Variants in WNT10B observed in about 807,000 individuals in gnomAD.
WNT10B encodes protein Wnt-10b.
In WNT10B, 26 loss-of-function variants were observed where a neutral mutation model predicts 32.7. The observed-to-expected ratio is 0.79, with a 90% CI of 0.58 to 1.10. The LOEUF is 1.10. Ranked by LOEUF, WNT10B falls within the 50% of genes least tolerant of loss-of-function variation. The pLI, the probability that WNT10B is intolerant of heterozygous loss-of-function variation, is 0.00. For synonymous variants in WNT10B, 204 were observed against 220.4 expected (o/e 0.93, Z 0.66); for missense variants, 474 against 532.5 (o/e 0.89, Z 1.08).
chr12:48,970,023 C>T lies in WNT10B; in HGVS notation c.337+66G>A. 3 of 1,388,148 alleles carry T rather than the reference C, an allele frequency of 2.2e-6. No homozygotes were observed. Among genetic ancestry groups the T allele is most frequent in the Non-Finnish European group, 2.8e-6 (3 of 1,078,360 alleles). 86.0% of individuals were successfully genotyped at this position (1,388,148 alleles called of 1,614,324 possible). On this transcript the variant is annotated intron_variant, in intron 3 of 4. Coordinates refer to ENST00000301061, the MANE Select transcript of WNT10B (RefSeq NM_003394.4). The surrounding 1 kb of genome is among the most constrained non-coding windows in gnomAD (Gnocchi z 5.0). ...GCGAAACCATCCCTTCCCGCCTCCG[C>T]GCGCCTCGCCCTGCCGCCCACCCCC... is the stretch of plus-strand genomic sequence containing the variant.
chr12:48,965,667 A>G lies in WNT10B; in HGVS notation c.*428T>C, dbSNP rs541034659. On this transcript the variant is annotated 3_prime_UTR_variant, in exon 5 of 5. Transcript: ENST00000301061. ...CAGTAAAGGAGTTTGGGGATAGTAC[A>G]TAGGAGTGGGTGATCTCTTTCTAGA... 3 of 209,824 alleles carry G rather than the reference A, an allele frequency of 1.4e-5. No individual in the cohort carries two copies. The allele number at this position is 209,824 out of a possible 1,614,324, so 13.0% of individuals were successfully genotyped here.
rs186175985 is a variant in WNT10B, at chr12:48,966,384, G to A, written c.881C>T (p.Ala294Val). ...FIDTHNRNSG[A>V]FQPRLRPRRL... ...ACGGGGACGCAGACGGGGCTGGAAG[G>A]CTCCAGAATTGCGGTTGTGGGTATC... is the stretch of plus-strand genomic sequence containing the variant. The change falls in exon 5 of 5, where the codon GCC becomes GTC. Residue 294 changes from alanine to valine, a missense_variant. Transcript: ENST00000301061. 270 of 1,614,138 alleles carry A rather than the reference G, an allele frequency of 1.7e-4. No individual in the cohort carries two copies. The highest frequency in any genetic ancestry group is 2.2e-4 in the Non-Finnish European group (264 of 1,180,044).
intron 4 of WNT10B, among the ~76,000 whole-genome samples, chr12:48,967,385 C>T (rs1033983520): frequency 3.9e-5 from 6 of 152,004 alleles, no homozygotes; most frequent in Non-Finnish European, 8.8e-5. Context: ...AGGATGGTCT[C>T]GATCTCCTCA....
At chr12:48,969,299 C>T (rs1029356282) in intron 3 of WNT10B, among the ~76,000 whole-genome samples, 14 of 152,200 alleles carry the variant, frequency 9.2e-5, no homozygotes, top group African/African-American at 3.4e-4. Flanking sequence ...AACTCCAACC[C>T]TCCAGGGGTG....
intron 4 of WNT10B, among the ~76,000 whole-genome samples, 179 bp from the exon 5 acceptor site, chr12:48,966,732 G>T (rs1320153277): frequency 6.6e-6 from 1 of 152,208 alleles, no homozygotes; most frequent in Non-Finnish European, 1.5e-5. Flanking sequence ...CTCATTTTAT[G>T]ATGGCAGAAT....
In WNT10B at chr12:48,970,508, G is replaced by C; in HGVS notation, c.22C>G (p.Arg8Gly). ...CCCGCGAGGCCCGAGGGCGGAGGCC[G>C]CGGCCGGGGCTCCTCCAGCATGTCG... is the stretch of plus-strand genomic sequence containing the variant. Reference protein sequence around the residue: MLEEPRPRPPPSGLAGLL... With the variant: MLEEPRPGPPPSGLAGLL... Residue 8 changes from arginine (R) to glycine (G), a missense_variant, in exon 2 of 5, where the codon CGG becomes GGG. Coordinates refer to ENST00000301061, the MANE Select transcript of WNT10B (RefSeq NM_003394.4). The surrounding 1 kb of genome is among the most constrained non-coding windows in gnomAD (Gnocchi z 5.0). The C allele has an allele frequency of 6.3e-7, 1 of 1,591,816 alleles. No individual in the cohort carries two copies.
chr12:48,969,962 G>T, intron 3 of WNT10B, 127 bp downstream of exon 3: 2 of 1,190,728 alleles, frequency 1.7e-6, no homozygotes, highest in Non-Finnish European at 2.2e-6. Context: ...GCTCCGGGGG[G>T]GGCGGGGAAT....
chr12:48,970,019 T>C lies in WNT10B; in HGVS notation c.337+70A>G. The C allele has an allele frequency of 7.2e-7, 1 of 1,386,834 alleles. No individual in the cohort carries two copies. The highest frequency in any genetic ancestry group is 9.3e-7 in the Non-Finnish European group (1 of 1,077,592). The allele number at this position is 1,386,834 out of a possible 1,614,324, so 85.9% of individuals were successfully genotyped here. On this transcript the variant is annotated intron_variant, in intron 3 of 4. Transcript: ENST00000301061. This position sits in a 1 kb window ranked among gnomAD's most constrained non-coding sequence, Gnocchi z 5.0. ...AGCCGCGAAACCATCCCTTCCCGCC[T>C]CCGCGCGCCTCGCCCTGCCGCCCAC... is the stretch of plus-strand genomic sequence containing the variant.
chr12:48,966,254 G>T lies in WNT10B; in HGVS notation c.1011C>A (p.Thr337=), dbSNP rs779735789. The T allele has an allele frequency of 4.3e-6, 7 of 1,614,186 alleles. No individual in the cohort carries two copies. The South Asian group carries it at 4.4e-5, about 10-fold the overall frequency. ...PGTRGRACNK[T]SRLLDGCGSL... ...TGCCACAGCCATCCAACAGGCGGCT[G>T]GTCTTGTTGCAGGCCCGGCCCCTTG... The change falls in exon 5 of 5, where the codon ACC becomes ACA. Residue 337 remains threonine (T), a synonymous_variant. Coordinates refer to ENST00000301061, the MANE Select transcript of WNT10B (RefSeq NM_003394.4).
intron 4 of WNT10B, among the ~76,000 whole-genome samples, chr12:48,967,599 CCAGT>C (rs1471512738): frequency 3.3e-5 from 5 of 152,052 alleles, no homozygotes; most frequent in African/African-American, 4.8e-5. Context: ...CGCGCCCGGC[CCAGT>C]CTGTTTTTAT....
Position 48,970,883 on chromosome 12 carries a change from A to C in WNT10B, c.-40-314T>G. 2.5e-6 allele frequency: 1 copy of C among 402,458 alleles called. No individual in the cohort carries two copies. The highest frequency in any genetic ancestry group is 4.6e-6 in the Non-Finnish European group (1 of 217,820). 24.9% of individuals were successfully genotyped at this position (402,458 alleles called of 1,614,324 possible). A position where few individuals can be genotyped will look rare whatever the true frequency, so the allele number is the denominator to read the frequency against. On this transcript the variant is annotated intron_variant, in intron 1 of 4. Transcript: ENST00000301061. This position sits in a 1 kb window ranked among gnomAD's most constrained non-coding sequence, Gnocchi z 5.0. ...CAAACTCAGACACACAGACTCACAAACACTTGCTCCACAACCTCGCCTACT... is the reference window on the plus strand; with the variant it reads ...CAAACTCAGACACACAGACTCACAACCACTTGCTCCACAACCTCGCCTACT...
In WNT10B at chr12:48,970,778, C is replaced by T. The variant is rs1940840369; in HGVS notation, c.-40-209G>A. On this transcript the variant is annotated intron_variant, in intron 1 of 4. Coordinates refer to ENST00000301061, the MANE Select transcript of WNT10B (RefSeq NM_003394.4). This position sits in a 1 kb window ranked among gnomAD's most constrained non-coding sequence, Gnocchi z 5.0. ...AAGAAGAAGAGTCAAGGCGTTGTCC[C>T]AGCTCAGGACTCAAGCGAGCACCCC... 1.7e-6 allele frequency: 1 copy of T among 590,606 alleles called. No homozygotes were observed. Among genetic ancestry groups the T allele is most frequent in the Non-Finnish European group, 3.0e-6 (1 of 332,418 alleles). 36.6% of individuals were successfully genotyped at this position (590,606 alleles called of 1,614,324 possible).
chr12:48,966,026 A>C lies in WNT10B; in HGVS notation c.*69T>G. ...CCAAGAGTGACCTTGGAAGGAAATCAGAGCAAAGGGCTGAAAAGGCGCCCC... is the reference window on the plus strand; with the variant it reads ...CCAAGAGTGACCTTGGAAGGAAATCCGAGCAAAGGGCTGAAAAGGCGCCCC... On this transcript the variant is annotated 3_prime_UTR_variant, in exon 5 of 5. Transcript: ENST00000301061. The C allele has an allele frequency of 6.3e-7, 1 of 1,577,668 alleles. No individual in the cohort carries two copies. The highest frequency in any genetic ancestry group is 8.7e-7 in the Non-Finnish European group (1 of 1,155,944).
At chr12:48,969,151 G>A (rs1218515461) in intron 3 of WNT10B, 3 of 470,240 alleles carry the variant, frequency 6.4e-6, no homozygotes, top group South Asian at 1.6e-5. Context: ...GGCCCTGTGG[G>A]GAAGGAGGGG....
At chr12:48,969,572 T>G (rs1440934322) in intron 3 of WNT10B, among the ~76,000 whole-genome samples, 2 of 152,170 alleles carry the variant, frequency 1.3e-5, no homozygotes, top group South Asian at 4.1e-4. Flanking sequence ...AGGAGGGGAC[T>G]GGCTCCCCAG....
At position 48,967,937 on chromosome 12, in the gene WNT10B, C is replaced by T. The variant is rs773894661; in HGVS notation, c.711+9G>A. 2.5e-6 allele frequency: 4 copies of T among 1,614,000 alleles called. No homozygotes were observed. The highest frequency in any genetic ancestry group is 1.3e-5 in the African/African-American group (1 of 74,936). On this transcript the variant is annotated intron_variant, in intron 4 of 4. Transcript: ENST00000301061. The stretch of plus-strand genomic sequence containing the variant: ...CTGGGGAGACCCAGGACAAGATGTA[C>T]ACACATACCTGGCGCCCCACCCTGT...
rs1940816960 is a variant in WNT10B at position 48,970,006 on chromosome 12, A to G, written c.337+83T>C. The G allele has an allele frequency of 1.4e-5, 19 of 1,371,524 alleles. No homozygotes were observed. Among genetic ancestry groups the G allele is most frequent in the Non-Finnish European group, 1.7e-5 (18 of 1,066,984 alleles). The allele number at this position is 1,371,524 out of a possible 1,614,324, so 85.0% of individuals were successfully genotyped here. A position where few individuals can be genotyped will look rare whatever the true frequency, so the allele number is the denominator to read the frequency against. ...AGGCCCCTCCCGGAGCCGCGAAACC[A>G]TCCCTTCCCGCCTCCGCGCGCCTCG... On this transcript the variant is annotated intron_variant, in intron 3 of 4. Transcript: ENST00000301061. This position sits in a 1 kb window ranked among gnomAD's most constrained non-coding sequence, Gnocchi z 5.0.
chr12:48,968,148 C>G lies in WNT10B; in HGVS notation c.509G>C (p.Gly170Ala). The G allele has an allele frequency of 6.2e-7, 1 of 1,614,230 alleles. No individual in the cohort carries two copies. The highest frequency in any genetic ancestry group is 8.5e-7 in the Non-Finnish European group (1 of 1,180,032). The part of the protein sequence containing the change: ...KLLQLQALSR[G>A]KSFPHSLPSP... Reference sequence around the variant, plus strand: ...GGGCAGAGAGTGGGGGAAACTCTTGCCTCGGGACAGTGCCTGCAGCTGCAG... The same window carrying G: ...GGGCAGAGAGTGGGGGAAACTCTTGGCTCGGGACAGTGCCTGCAGCTGCAG... Residue 170 changes from glycine to alanine, a missense_variant, in exon 4 of 5, where the codon GGC becomes GCC. Transcript: ENST00000301061.
chr12:48,966,505 C>T lies in WNT10B; in HGVS notation c.760G>A (p.Gly254Ser), dbSNP rs1291727116. 6 of 1,613,888 alleles carry T rather than the reference C, an allele frequency of 3.7e-6. No individual in the cohort carries two copies. Among genetic ancestry groups the T allele is most frequent in the Non-Finnish European group, 5.1e-6 (6 of 1,180,050 alleles). The change falls in exon 5 of 5, where the codon GGC becomes AGC. Residue 254 changes from glycine (G) to serine (S), a missense_variant. Gly to Ser is a moderately conservative substitution (Grantham distance 56, BLOSUM62 0). Transcript: ENST00000301061. Reference sequence around the variant, plus strand: ...CAGCATGTCTTGAACTGGCAGCTGCCTGATGTGCCATGACACTTGCATTTC... The same window carrying T: ...CAGCATGTCTTGAACTGGCAGCTGCTTGATGTGCCATGACACTTGCATTTC... Reference protein sequence around the residue: ...KRKCKCHGTSGSCQFKTCWRA... With the variant: ...KRKCKCHGTSSSCQFKTCWRA...
Sources: allele counts gnomAD v4.1 joint callset (sites outside exome capture counted in the v4.1 genomes callset), GRCh38; gene constraint gnomAD v4.1.1; non-coding constraint Gnocchi (gnomAD v3.1); transcripts MANE v1.5; gene names NCBI Gene and HGNC (gene_info 2026-07-23, HGNC 2026-07-21).